Variants in SPATC1L observed in about 807,000 individuals in gnomAD.
SPATC1L encodes speriolin-like protein.
In SPATC1L, 20 loss-of-function variants were observed where a neutral mutation model predicts 21.2. That is an observed-to-expected ratio of 0.94 (90% CI 0.66 to 1.37). The LOEUF is 1.37. Ranked by LOEUF, SPATC1L falls within the 40% of genes most tolerant of loss-of-function variation. SPATC1L has a pLI of 0.00. For synonymous variants in SPATC1L, 290 were observed against 234.5 expected, an observed-to-expected ratio of 1.24 and a Z score of -2.16; for missense variants, 499 against 478.7, an observed-to-expected ratio of 1.04 and a Z score of -0.40.
rs376069452 is a variant in SPATC1L, at chr21:46,172,672, TAAG to T, written c.194-4017_194-4015del. On this transcript the variant is annotated intron_variant, in intron 2 of 4. Transcript: ENST00000291672. ...TGAGTAATAAGGACAAAGACAGAAATAAGAAGTTCATGTGGATTGGAAGGGCGG... is the reference window on the plus strand; with the variant it reads ...TGAGTAATAAGGACAAAGACAGAAATAAGTTCATGTGGATTGGAAGGGCGG... Among the ~76,000 whole-genome samples, 811 of 152,122 alleles carry T rather than the reference TAAG, an allele frequency of 5.3e-3. 4 individuals carry two copies. The highest frequency in any genetic ancestry group is 0.019 in the African/African-American group (779 of 41,496).
At chr21:46,178,232 CAAAAAAAAAAAAA>C (rs59110880) in intron 2 of SPATC1L, among the ~76,000 whole-genome samples, 1 of 39,460 alleles carries the variant, frequency 2.5e-5, no homozygotes, top group Admixed American at 2.7e-4. Flanking sequence ...AACTCCATCT[CAAAAAAAAAAAAA>C]AAAAAAAAAA....
intron 2 of SPATC1L, among the ~76,000 whole-genome samples, chr21:46,177,869 GC>G (rs1487378861): frequency 2.6e-5 from 4 of 152,170 alleles, no homozygotes; most frequent in Admixed American, 2.6e-4. Context: ...CAACTTAAAT[GC>G]CCATCAGTGG....
chr21:46,162,872 C>T (rs2079512949), intron 3 of SPATC1L, among the ~76,000 whole-genome samples: 1 of 152,136 alleles, frequency 6.6e-6, no homozygotes, highest in African/African-American at 2.4e-5. Flanking sequence ...CAGGCGTGAG[C>T]CACCGCACCT....
chr21:46,174,341 AAAC>A (rs1569002436), intron 2 of SPATC1L, among the ~76,000 whole-genome samples: 3,854 of 82,838 alleles, frequency 0.047, 351 homozygotes, highest in African/African-American at 0.16. Flanking sequence ...TCAAAAAACA[AAAC>A]AAAAAAAAAA....
At chr21:46,171,962 A>AC (rs1346570183) in intron 2 of SPATC1L, among the ~76,000 whole-genome samples, 2 of 127,442 alleles carry the variant, frequency 1.6e-5, no homozygotes, top group Non-Finnish European at 3.3e-5. Flanking sequence ...AAAAAAAAAA[A>AC]CCATGGCCAG....
In SPATC1L at chr21:46,182,619, C is replaced by T. The variant is rs1162250215; in HGVS notation, c.193+5G>A. ...CCAGGCCATCTGAGCTGGGCGGCGC[C>T]TCACCTCCGCTCCCGGGGGAGCCGG... On this transcript the variant is annotated splice_donor_5th_base_variant and intron_variant, in intron 2 of 4. Transcript: ENST00000291672. 1.3e-6 allele frequency: 2 copies of T among 1,487,364 alleles called. No individual in the cohort carries two copies. Among genetic ancestry groups the T allele is most frequent in the Non-Finnish European group, 1.8e-6 (2 of 1,118,932 alleles). The allele number at this position is 1,487,364 out of a possible 1,614,324, so 92.1% of individuals were successfully genotyped here. A position where few individuals can be genotyped will look rare whatever the true frequency, so the allele number is the denominator to read the frequency against.
chr21:46,182,599 C>T, intron 2 of SPATC1L, 25 bp downstream of exon 2: 1 of 1,436,734 alleles, frequency 7.0e-7, no homozygotes. Context: ...ATCTACCAGG[C>T]CATCTGAGCT....
At chr21:46,166,114 C>T (rs2079538409) in intron 3 of SPATC1L, among the ~76,000 whole-genome samples, 1 of 152,090 alleles carries the variant, frequency 6.6e-6, no homozygotes, top group Non-Finnish European at 1.5e-5. Flanking sequence ...GCCTGTAATC[C>T]CAGTACTTTG....
chr21:46,177,820 GT>G (rs959009640), intron 2 of SPATC1L, among the ~76,000 whole-genome samples: 22 of 152,230 alleles, frequency 1.4e-4, no homozygotes, highest in African/African-American at 5.1e-4. Context: ...GCACGCATAT[GT>G]TCACTGCAGA....
At chr21:46,173,605 G>C (rs1187779149) in intron 2 of SPATC1L, among the ~76,000 whole-genome samples, 1 of 151,998 alleles carries the variant, frequency 6.6e-6, no homozygotes, top group African/African-American at 2.4e-5. Context: ...ACTGAGCAGA[G>C]AACAGTGGAT....
chr21:46,181,230 C>G (rs969559804), intron 2 of SPATC1L, among the ~76,000 whole-genome samples: 2 of 152,204 alleles, frequency 1.3e-5, no homozygotes, highest in African/African-American at 4.8e-5. Context: ...GGCCCAGCAC[C>G]GTAAGCGCAG....
chr21:46,182,078 C>T (rs938020096), intron 2 of SPATC1L, among the ~76,000 whole-genome samples: 1 of 152,206 alleles, frequency 6.6e-6, no homozygotes, highest in African/African-American at 2.4e-5. Context: ...CAGGGACAGG[C>T]GCCCACTTGT....
rs1277509304 is a variant in SPATC1L, at chr21:46,183,406, C to A, written c.-590G>T. On this transcript the variant is annotated 5_prime_UTR_variant, in exon 2 of 5. Coordinates refer to ENST00000291672, the MANE Select transcript of SPATC1L (RefSeq NM_001142854.2). ...ACTGGCAAGGGCAGTGGGAGGAGAC[C>A]AGCATGTGGGGGAGACCAGCCTGGT... 3 of 181,622 alleles carry A rather than the reference C, an allele frequency of 1.7e-5. No individual in the cohort carries two copies. The highest frequency in any genetic ancestry group is 3.8e-4 in the East Asian group (2 of 5,332). The allele number at this position is 181,622 out of a possible 1,614,324, so 11.3% of individuals were successfully genotyped here. A position where few individuals can be genotyped will look rare whatever the true frequency, so the allele number is the denominator to read the frequency against.
chr21:46,165,395 A>G (rs780875614), intron 3 of SPATC1L, among the ~76,000 whole-genome samples: 8 of 152,250 alleles, frequency 5.3e-5, no homozygotes, highest in South Asian at 2.1e-4. Flanking sequence ...CCTGAATCAT[A>G]AAGGTTTACT....
intron 3 of SPATC1L, among the ~76,000 whole-genome samples, chr21:46,164,794 G>GAAAAAAA (rs72042671): frequency 1.2e-3 from 105 of 86,408 alleles, no homozygotes; most frequent in African/African-American, 1.7e-3. Context: ...TCCATCTCAA[G>GAAAAAAA]AAAAAAAAAA....
rs370890645 is a variant in SPATC1L at position 46,162,346 on chromosome 21, G to A, written c.545-279C>T. 7.1e-3 allele frequency among the ~76,000 whole-genome samples: 1,085 copies of A among 152,212 alleles called. 7 individuals carry two copies. Among genetic ancestry groups the A allele is most frequent in the Non-Finnish European group, 0.013 (860 of 67,986 alleles). ...GGTGGGGACTGGTCCCCTGTCACGCGGGAGTCTGCCCCAGCGTCGGCCCCT... is the reference window on the plus strand; with the variant it reads ...GGTGGGGACTGGTCCCCTGTCACGCAGGAGTCTGCCCCAGCGTCGGCCCCT... On this transcript the variant is annotated intron_variant, in intron 3 of 4. Transcript: ENST00000291672.
chr21:46,171,485 G>A (rs2123638237), intron 2 of SPATC1L, among the ~76,000 whole-genome samples: 1 of 151,162 alleles, frequency 6.6e-6, no homozygotes, highest in East Asian at 2.0e-4. Context: ...CCTCTGAAAT[G>A]TTTTCCAAGG....
Position 46,182,857 on chromosome 21 carries a change from C to G in SPATC1L, c.-41G>C. 1 of 1,468,440 alleles carries G rather than the reference C, an allele frequency of 6.8e-7. No homozygotes were observed. Among genetic ancestry groups the G allele is most frequent in the Non-Finnish European group, 9.0e-7 (1 of 1,106,346 alleles). The allele number at this position is 1,468,440 out of a possible 1,614,324, so 91.0% of individuals were successfully genotyped here. A position where few individuals can be genotyped will look rare whatever the true frequency, so the allele number is the denominator to read the frequency against. ...CCTTGTCCCTCACGGCTCCTGCAGCCCCATGGAGGTGGGAGCCCAGAGCCC... is the reference window on the plus strand; with the variant it reads ...CCTTGTCCCTCACGGCTCCTGCAGCGCCATGGAGGTGGGAGCCCAGAGCCC... On this transcript the variant is annotated 5_prime_UTR_variant, in exon 2 of 5. Transcript: ENST00000291672.
At chr21:46,179,088 AAAAT>A (rs10540689) in intron 2 of SPATC1L, among the ~76,000 whole-genome samples, 16,405 of 148,764 alleles carry the variant, frequency 0.11, 1,550 homozygotes, top group African/African-American at 0.26. Flanking sequence ...AAAAAAAAAA[AAAAT>A]TTTTAACTAG....
Sources: gnomAD v4.1 joint callset for allele counts (sites outside exome capture counted in the v4.1 genomes callset) on GRCh38, gnomAD v4.1.1 for gene constraint, MANE v1.5 for transcripts, NCBI Gene and HGNC (gene_info 2026-07-23, HGNC 2026-07-21) for gene names.